Variants in LITAF observed in about 807,000 individuals in gnomAD.
LITAF encodes the protein lipopolysaccharide-induced tumor necrosis factor-alpha factor.
LITAF carries 9 observed loss-of-function variants against 14.5 expected under a neutral mutation model. The ratio of observed to expected loss-of-function variants is 0.62; its 90% CI spans 0.37 to 1.08. LITAF has a LOEUF of 1.08. Ranked by LOEUF, LITAF falls within the 50% of genes least tolerant of loss-of-function variation. LITAF has a pLI of 0.01. For synonymous variants in LITAF, 98 were observed against 88.2 expected (o/e 1.11, Z -0.62); for missense variants, 206 against 213.4 (o/e 0.97, Z 0.22).
chr16:11,614,990 C>G (rs12444013), intron 3 of LITAF, among the ~76,000 whole-genome samples: 1 of 152,064 alleles, frequency 6.6e-6, no homozygotes, highest in Non-Finnish European at 1.5e-5. Flanking sequence ...GTCTGAGTGC[C>G]TCACTCACAG....
At chr16:11,575,825 G>A (rs757708349) in intron 1 of LITAF, among the ~76,000 whole-genome samples, 3 of 152,106 alleles carry the variant, frequency 2.0e-5, no homozygotes, top group Non-Finnish European at 4.4e-5. Flanking sequence ...CACAGCCTCT[G>A]TAAACATTCC....
In LITAF at chr16:11,549,459, A is replaced by G. The variant is rs745725177; in HGVS notation, c.*178T>C. ...GTCCTATGCACGACTCCAAGCAGCA[A>G]TTTCTGGGGTTTGGAGATTTGTTAG... On this transcript the variant is annotated 3_prime_UTR_variant, in exon 4 of 4. Transcript: ENST00000622633. This position sits in a 1 kb window ranked among gnomAD's most constrained non-coding sequence, Gnocchi z 4.6. The G allele has an allele frequency of 3.0e-6, 2 of 663,802 alleles. No homozygotes were observed. Among genetic ancestry groups the G allele is most frequent in the South Asian group, 1.5e-5 (1 of 66,406 alleles). The allele number at this position is 663,802 out of a possible 1,614,324, so 41.1% of individuals were successfully genotyped here.
At chr16:11,581,512 G>A (rs2064734036) in intron 1 of LITAF, among the ~76,000 whole-genome samples, 1 of 152,144 alleles carries the variant, frequency 6.6e-6, no homozygotes, top group Admixed American at 6.6e-5. Context: ...TTAGTGTGGT[G>A]GCTGAGGTGG....
chr16:11,616,102 A>G (rs982899964), intron 3 of LITAF, among the ~76,000 whole-genome samples: 2 of 152,182 alleles, frequency 1.3e-5, no homozygotes, highest in Non-Finnish European at 2.9e-5. Flanking sequence ...CTCCACGGGG[A>G]CAGTGGCCCT....
At chr16:11,569,571 G>A (rs2064509755) in intron 1 of LITAF, among the ~76,000 whole-genome samples, 2 of 152,250 alleles carry the variant, frequency 1.3e-5, no homozygotes, top group African/African-American at 4.8e-5. Context: ...GTGTCCCCCT[G>A]TTATTTACAA....
chr16:11,610,929 T>C (rs898248747), intron 3 of LITAF, among the ~76,000 whole-genome samples: 1 of 152,078 alleles, frequency 6.6e-6, no homozygotes, highest in East Asian at 1.9e-4. Context: ...GTGTCAGTCC[T>C]AATTGAAACA....
upstream of LITAF, among the ~76,000 whole-genome samples, chr16:11,591,413 G>A (rs1302321826): frequency 6.8e-6 from 1 of 147,298 alleles, no homozygotes; most frequent in African/African-American, 2.6e-5. Flanking sequence ...TTGAACTCCT[G>A]GGCTCAAGTA....
chr16:11,598,681 T>C (rs2064908622), upstream of LITAF, among the ~76,000 whole-genome samples: 1 of 152,094 alleles, frequency 6.6e-6, no homozygotes, highest in Non-Finnish European at 1.5e-5. Flanking sequence ...CTCTGGTCTC[T>C]TTCGCAGCGG....
At chr16:11,631,887 G>A (rs956648061) in intron 3 of LITAF, among the ~76,000 whole-genome samples, 3 of 137,818 alleles carry the variant, frequency 2.2e-5, no homozygotes, top group African/African-American at 8.3e-5. Flanking sequence ...GTCTTGCTCT[G>A]TCTACAGGCT....
chr16:11,617,279 C>G (rs1407616013), intron 3 of LITAF, among the ~76,000 whole-genome samples: 1 of 151,928 alleles, frequency 6.6e-6, no homozygotes, highest in Non-Finnish European at 1.5e-5. Context: ...TCCATCAGTC[C>G]TTAATAACGA....
chr16:11,631,987 C>T (rs1355232397), intron 3 of LITAF, among the ~76,000 whole-genome samples: 3 of 152,106 alleles, frequency 2.0e-5, no homozygotes, highest in African/African-American at 7.2e-5. Context: ...CTGCCTCAGC[C>T]TCCTGAGTAG....
chr16:11,607,368 G>A (rs566229322), intron 3 of LITAF, among the ~76,000 whole-genome samples: 1 of 152,308 alleles, frequency 6.6e-6, no homozygotes, highest in East Asian at 1.9e-4. Context: ...TAGGAGAAAA[G>A]CCCTTCACAC....
chr16:11,623,049 C>T (rs1597374761), intron 3 of LITAF, among the ~76,000 whole-genome samples: 1 of 151,390 alleles, frequency 6.6e-6, no homozygotes, highest in Admixed American at 6.6e-5. Flanking sequence ...CTGCAAGCTC[C>T]GCCTCCTGGG....
intron 3 of LITAF, among the ~76,000 whole-genome samples, chr16:11,630,192 G>T (rs924104353): frequency 3.3e-5 from 5 of 152,256 alleles, no homozygotes; most frequent in African/African-American, 1.2e-4. Context: ...GGGAGTCCTG[G>T]CTTCCCCAAC....
At position 11,548,763 on chromosome 16, in the gene LITAF, C is replaced by T; in HGVS notation, c.*874G>A. On this transcript the variant is annotated 3_prime_UTR_variant, in exon 4 of 4. Transcript: ENST00000622633. ...GGCCAAGGCAGAAGGATCGCTTGAG[C>T]CCAGGAGTTCGACACCAGCCTGGGC... The T allele has an allele frequency of 2.2e-6, 1 of 453,256 alleles. No homozygotes were observed. The allele number at this position is 453,256 out of a possible 1,614,324, so 28.1% of individuals were successfully genotyped here. A position where few individuals can be genotyped will look rare whatever the true frequency, so the allele number is the denominator to read the frequency against.
chr16:11,631,976 C>T (rs1360063978), intron 3 of LITAF, among the ~76,000 whole-genome samples: 1 of 151,894 alleles, frequency 6.6e-6, no homozygotes, highest in African/African-American at 2.4e-5. Flanking sequence ...AAGCTATTCT[C>T]CTGCCTCAGC....
At chr16:11,620,938 C>T (rs891067861) in intron 3 of LITAF, among the ~76,000 whole-genome samples, 4 of 152,218 alleles carry the variant, frequency 2.6e-5, no homozygotes, top group African/African-American at 9.6e-5. Context: ...CTCTGTTGCC[C>T]AGGCTGGAGT....
intron 1 of LITAF, among the ~76,000 whole-genome samples, chr16:11,594,438 G>C (rs2064869277): frequency 6.6e-6 from 1 of 151,862 alleles, no homozygotes. Flanking sequence ...TTTTCCTCTG[G>C]GTGTACTCTG....
Position 11,549,582 on chromosome 16 carries a change from G to A in LITAF, c.*55C>T. On this transcript the variant is annotated 3_prime_UTR_variant, in exon 4 of 4. Transcript: ENST00000622633. This position sits in a 1 kb window ranked among gnomAD's most constrained non-coding sequence, Gnocchi z 4.6. ...ACCTCCACCAGGCGTGAAGCTGGAT[G>A]AGAGGTGGAAAGGACTTCCTGCGGC... is the stretch of plus-strand genomic sequence containing the variant. The A allele has an allele frequency of 7.6e-7, 1 of 1,318,066 alleles. No individual in the cohort carries two copies. The highest frequency in any genetic ancestry group is 1.2e-5 in the South Asian group (1 of 81,046). 81.6% of individuals were successfully genotyped at this position (1,318,066 alleles called of 1,614,324 possible). A position where few individuals can be genotyped will look rare whatever the true frequency, so the allele number is the denominator to read the frequency against.
Sources: gnomAD v4.1 joint callset for allele counts (sites outside exome capture counted in the v4.1 genomes callset) on GRCh38, gnomAD v4.1.1 for gene constraint, Gnocchi (gnomAD v3.1) non-coding constraint, MANE v1.5 for transcripts, NCBI Gene and HGNC (gene_info 2026-07-23, HGNC 2026-07-21) for gene names.